The following LTBP1 variants were observed in gnomAD, a reference collection of about 807,000 sequenced individuals.
LTBP1 encodes latent transforming growth factor beta binding protein 1.
In LTBP1, 129 loss-of-function variants were observed where a neutral mutation model predicts 207.6. That is an observed-to-expected ratio of 0.62 (90% CI 0.54 to 0.72). LTBP1 has a LOEUF of 0.72. Among genes scored for constraint, LTBP1 ranks in the 30% least tolerant of loss-of-function variants. The probability of loss-of-function intolerance (pLI) is 0.00; values close to 1 mark genes in which losing one functional copy is unlikely to be tolerated. For missense variants in LTBP1, 2,281 were observed against 2,217.2 expected, an observed-to-expected ratio of 1.03 and a Z score of -0.58; for synonymous variants, 963 against 833.7, an observed-to-expected ratio of 1.16 and a Z score of -2.67.
intron 2 of LTBP1, among the ~76,000 whole-genome samples, chr2:32,989,752 G>A (rs574001642): frequency 2.1e-4 from 32 of 152,312 alleles, no homozygotes; most frequent in Admixed American, 1.1e-3. Context: ...TAGTGTAATG[G>A]TCAAGGGAGC....
chr2:32,972,427 G>A (rs1257970421), intron 2 of LTBP1, among the ~76,000 whole-genome samples: 4 of 152,006 alleles, frequency 2.6e-5, no homozygotes, highest in African/African-American at 9.7e-5. Flanking sequence ...GATGTGGGCA[G>A]TTAGTGCTAT....
chr2:33,070,158 G>T (rs2077719233), intron 3 of LTBP1, among the ~76,000 whole-genome samples: 1 of 152,172 alleles, frequency 6.6e-6, no homozygotes, highest in Non-Finnish European at 1.5e-5. Flanking sequence ...AGAGGTGTTG[G>T]TATTTGGTGG....
chr2:33,332,676 C>T (rs1338070729), intron 24 of LTBP1, among the ~76,000 whole-genome samples: 1 of 151,980 alleles, frequency 6.6e-6, no homozygotes, highest in Non-Finnish European at 1.5e-5. Context: ...CCTGCCTCAG[C>T]CTCCCAAGTA....
At position 33,282,062 on chromosome 2, in the gene LTBP1, C is replaced by CATATATAT. The variant is rs66505403; in HGVS notation, c.3112+1924_3112+1931dup. ...AAATGAATTCTTATACCTATATGTG[C>CATATATAT]ATATATATATATATATATATATATA... On this transcript the variant is annotated intron_variant, in intron 19 of 33. Coordinates refer to ENST00000404816, the MANE Select transcript of LTBP1 (RefSeq NM_206943.4). 4.4e-3 allele frequency among the ~76,000 whole-genome samples: 629 copies of CATATATAT among 142,852 alleles called. 1 individual carries two copies. Among genetic ancestry groups the CATATATAT allele is most frequent in the Non-Finnish European group, 6.9e-3 (454 of 65,472 alleles). 93.7% of individuals were successfully genotyped at this position (142,852 alleles called of 152,430 possible). A position where few individuals can be genotyped will look rare whatever the true frequency, so the allele number is the denominator to read the frequency against.
chr2:33,398,540 G>A lies in LTBP1; in HGVS notation c.5161G>A (p.Glu1721Lys). 1 of 1,613,610 alleles carries A rather than the reference G, an allele frequency of 6.2e-7. No homozygotes were observed. Among genetic ancestry groups the A allele is most frequent in the Non-Finnish European group, 8.5e-7 (1 of 1,179,760 alleles). Residue 1721 changes from glutamate to lysine, a missense_variant, in exon 34 of 34, where the codon GAG becomes AAG. Around this residue, in one of 3 missense-constraint regions of LTBP1, gnomAD observed 1,671 missense variants for 1,634.8 expected, o/e 1.02. Transcript: ENST00000404816. ...GAATTTAGAGAAAGACAGTGACCTG[G>A]AGTGAAACAGAATCTACATAACCTA... ...ALNLEKDSDLE is the reference protein window; with the variant it reads ...ALNLEKDSDLK
At chr2:33,208,748 C>A (rs1230089453) in intron 7 of LTBP1, among the ~76,000 whole-genome samples, 14 of 151,822 alleles carry the variant, frequency 9.2e-5, no homozygotes, top group Admixed American at 8.5e-4. Context: ...TCTGTCCTTA[C>A]AATTTTATGG....
chr2:32,993,180 C>T (rs950718097), intron 2 of LTBP1, among the ~76,000 whole-genome samples: 3 of 151,958 alleles, frequency 2.0e-5, no homozygotes, highest in East Asian at 1.9e-4. Context: ...AATGCAGGCA[C>T]GTGCAAGCAA....
intron 5 of LTBP1, among the ~76,000 whole-genome samples, chr2:33,157,131 A>G (rs1025496277): frequency 7.9e-5 from 12 of 152,174 alleles, no homozygotes; most frequent in Admixed American, 2.0e-4. Flanking sequence ...GAAATTTAAT[A>G]TCTACTTTAA....
At chr2:33,254,573 AGTTT>A (rs1425216953) in intron 11 of LTBP1, among the ~76,000 whole-genome samples, 6 of 59,620 alleles carry the variant, frequency 1.0e-4, no homozygotes, top group African/African-American at 2.4e-4. Flanking sequence ...TTTTTTAGGG[AGTTT>A]GTTGTTGTTT....
chr2:33,102,431 A>AG (rs2079791955), intron 3 of LTBP1, among the ~76,000 whole-genome samples: 1 of 152,190 alleles, frequency 6.6e-6, no homozygotes, highest in Non-Finnish European at 1.5e-5. Context: ...CCCCTGGTTA[A>AG]GAACCACTGG....
At chr2:33,370,067 CCTCAGTTT>C (rs1363754600) in intron 31 of LTBP1, among the ~76,000 whole-genome samples, 2 of 149,492 alleles carry the variant, frequency 1.3e-5, no homozygotes, top group African/African-American at 5.0e-5. Flanking sequence ...TCTCTCTGTA[CCTCAGTTT>C]CTCATGTGAA....
intron 32 of LTBP1, among the ~76,000 whole-genome samples, chr2:33,392,183 A>ATTTTT (rs60323377): frequency 1.3e-5 from 2 of 148,276 alleles, no homozygotes; most frequent in African/African-American, 2.5e-5. Context: ...GCCAGGTAGT[A>ATTTTT]TTTTTTTTTT....
intron 26 of LTBP1, among the ~76,000 whole-genome samples, chr2:33,355,520 A>G (rs1470593357): frequency 6.6e-6 from 1 of 151,728 alleles, no homozygotes; most frequent in Admixed American, 6.6e-5. Flanking sequence ...TATGTTTTTT[A>G]TTTTTTCAAA....
In LTBP1 at chr2:33,086,128, A is replaced by G. The variant is rs372332491; in HGVS notation, c.864-24454A>G. Among the ~76,000 whole-genome samples, 13 of 152,362 alleles carry G rather than the reference A, an allele frequency of 8.5e-5. No individual in the cohort carries two copies. The South Asian group carries it at 2.5e-3, about 29-fold the overall frequency. On this transcript the variant is annotated intron_variant, in intron 3 of 33. Coordinates refer to ENST00000404816, the MANE Select transcript of LTBP1 (RefSeq NM_206943.4). ...CTGTATGTGTATTCACCCACTGTGA[A>G]GTAGGTACCGCATTAGCATGGAAGG...
In LTBP1 at chr2:33,217,486, G is replaced by A; in HGVS notation, c.1702-66G>A. ...GTTTATAGCGTGGCTGTGAGGGACAGCAGTGCTCTGGGGCTGGGCATCCTG... is the reference window on the plus strand; with the variant it reads ...GTTTATAGCGTGGCTGTGAGGGACAACAGTGCTCTGGGGCTGGGCATCCTG... On this transcript the variant is annotated intron_variant, in intron 7 of 33. Transcript: ENST00000404816. 4 of 1,066,696 alleles carry A rather than the reference G, an allele frequency of 3.7e-6. No homozygotes were observed. In the Admixed American group the frequency reaches 6.9e-5, roughly 18 times the overall value. The allele number at this position is 1,066,696 out of a possible 1,614,324, so 66.1% of individuals were successfully genotyped here. A position where few individuals can be genotyped will look rare whatever the true frequency, so the allele number is the denominator to read the frequency against.
chr2:33,055,273 C>T (rs138812348), intron 3 of LTBP1, among the ~76,000 whole-genome samples: 4 of 152,294 alleles, frequency 2.6e-5, no homozygotes, highest in African/African-American at 7.2e-5. Flanking sequence ...AATTGACCCT[C>T]GAGTGATTCG....
rs145870356 is a variant in LTBP1, at chr2:32,986,565, C to T, written c.566-34344C>T. Reference sequence around the variant, plus strand: ...AGTGCACAAGGAAGATGTGGGATCTCTTGTGAAAACAAAAACAGAAACAAA... The same window carrying T: ...AGTGCACAAGGAAGATGTGGGATCTTTTGTGAAAACAAAAACAGAAACAAA... On this transcript the variant is annotated intron_variant, in intron 2 of 33. Transcript: ENST00000404816. 1.1e-3 allele frequency among the ~76,000 whole-genome samples: 170 copies of T among 152,272 alleles called. 1 individual carries two copies. Among genetic ancestry groups the T allele is most frequent in the African/African-American group, 4.0e-3 (165 of 41,540 alleles).
At chr2:33,194,446 G>A (rs1028747917) in intron 7 of LTBP1, among the ~76,000 whole-genome samples, 2 of 152,202 alleles carry the variant, frequency 1.3e-5, no homozygotes, top group Non-Finnish European at 2.9e-5. Context: ...ACTCCAGAGA[G>A]TACATGAATG....
intron 2 of LTBP1, among the ~76,000 whole-genome samples, chr2:32,983,238 A>G (rs1019441124): frequency 2.6e-5 from 4 of 152,194 alleles, no homozygotes; most frequent in Admixed American, 2.6e-4. Flanking sequence ...TGGATTTCAG[A>G]CTTGCATGGA....
Sources: allele counts gnomAD v4.1 joint callset (sites outside exome capture counted in the v4.1 genomes callset), GRCh38; gene constraint gnomAD v4.1.1; regional missense constraint gnomAD v4.1.1; transcripts MANE v1.5; gene names NCBI Gene and HGNC (gene_info 2026-07-23, HGNC 2026-07-21).